The following AGO3 variants were observed in gnomAD, a reference collection of about 807,000 sequenced individuals.
AGO3 encodes protein argonaute-3.
Under a neutral mutation model 105.5 loss-of-function variants are expected in AGO3, and 16 were observed. The observed-to-expected ratio is 0.15, with a 90% CI of 0.10 to 0.23. AGO3 has a LOEUF of 0.23. AGO3 is among the 10% of genes least tolerant of loss of function. AGO3 has a pLI of 1.00. For missense variants in AGO3, 534 were observed against 1,088.0 expected (o/e 0.49, Z 7.16); for synonymous variants, 340 against 367.3 (o/e 0.93, Z 0.85).
At chr1:35,994,482 G>A (rs558452316) in intron 5 of AGO3, among the ~76,000 whole-genome samples, 137 of 152,260 alleles carry the variant, frequency 9.0e-4, no homozygotes, top group Non-Finnish European at 1.6e-3. Flanking sequence ...TCAAGAACAA[G>A]GCAAGGATGC....
chr1:35,987,477 A>G (rs1647235930), intron 5 of AGO3, among the ~76,000 whole-genome samples: 1 of 152,006 alleles, frequency 6.6e-6, no homozygotes. Flanking sequence ...TGGGCAACAG[A>G]GTAAGACTCT....
chr1:36,027,413 T>A lies in AGO3; in HGVS notation c.1591+115T>A. ...AAAATATATTTTATGATACAGTATT[T>A]AAAACCATGTATTATTACTTGAAGA... On this transcript the variant is annotated intron_variant, in intron 12 of 18. Coordinates refer to ENST00000373191, the MANE Select transcript of AGO3 (RefSeq NM_024852.4). This position sits in a 1 kb window ranked among gnomAD's most constrained non-coding sequence, Gnocchi z 4.0. 1 of 996,604 alleles carries A rather than the reference T, an allele frequency of 1.0e-6. No homozygotes were observed. Among genetic ancestry groups the A allele is most frequent in the Non-Finnish European group, 1.4e-6 (1 of 718,322 alleles). The allele number at this position is 996,604 out of a possible 1,614,324, so 61.7% of individuals were successfully genotyped here.
chr1:35,934,852 A>G (rs887042688), intron 1 of AGO3, among the ~76,000 whole-genome samples: 2 of 152,222 alleles, frequency 1.3e-5, no homozygotes, highest in East Asian at 1.9e-4. Flanking sequence ...GGGTTTCACC[A>G]TGTTGGCCAG....
At chr1:35,966,905 A>G (rs72661637) in intron 2 of AGO3, 50 bp from the exon 3 acceptor site, 78,688 of 1,537,312 alleles carry the variant, frequency 0.051, 2,255 homozygotes, top group Middle Eastern at 0.068. Context: ...TAATATTTTT[A>G]TATTTCATCT....
At chr1:35,930,939 C>T (rs1646028759), upstream of AGO3, 1 of 295,924 alleles carries the variant, frequency 3.4e-6, no homozygotes, top group Non-Finnish European at 6.2e-6. Context: ...CGGCCGAGCC[C>T]GCCGCATGTG....
chr1:36,051,754 A>C (rs1642724507), intron 17 of AGO3, among the ~76,000 whole-genome samples: 1 of 152,086 alleles, frequency 6.6e-6, no homozygotes, highest in Admixed American at 6.6e-5. Flanking sequence ...CAACAGCAAA[A>C]ATAATAATAA....
intron 5 of AGO3, among the ~76,000 whole-genome samples, chr1:35,990,966 T>TA (rs1647581898): frequency 6.6e-6 from 1 of 152,158 alleles, no homozygotes; most frequent in Admixed American, 6.6e-5. Context: ...CAACTAAAGA[T>TA]ATCTGGATCA....
At chr1:35,967,629 C>T (rs558656317) in intron 3 of AGO3, among the ~76,000 whole-genome samples, 2 of 152,146 alleles carry the variant, frequency 1.3e-5, no homozygotes, top group East Asian at 3.9e-4. Context: ...GTTGGCCAGA[C>T]TGGTCTCAAA....
intron 1 of AGO3, among the ~76,000 whole-genome samples, chr1:35,945,181 T>A (rs1362090490): frequency 6.6e-6 from 1 of 151,670 alleles, no homozygotes; most frequent in South Asian, 2.1e-4. Flanking sequence ...TTATTACATA[T>A]TGCTTCTTAT....
chr1:36,054,117 C>T (rs1020393778), intron 17 of AGO3, among the ~76,000 whole-genome samples: 1 of 152,022 alleles, frequency 6.6e-6, no homozygotes, highest in Admixed American at 6.6e-5. Context: ...AGACTATAAG[C>T]ATGAGCCACC....
chr1:35,978,204 A>AT (rs560288609), intron 5 of AGO3, among the ~76,000 whole-genome samples: 68 of 151,746 alleles, frequency 4.5e-4, no homozygotes, highest in African/African-American at 1.5e-3. Context: ...TCTTGACACA[A>AT]TTTTTTTTGA....
intron 6 of AGO3, chr1:36,005,576 A>G (rs923567141): frequency 5.9e-5 from 16 of 271,670 alleles, no homozygotes; most frequent in African/African-American, 3.4e-4. Context: ...AGGTTAGTGC[A>G]TTACCTACCA....
chr1:35,936,410 C>G lies in AGO3; in HGVS notation c.19+4965C>G, dbSNP rs138286506. On this transcript the variant is annotated intron_variant, in intron 1 of 18. Coordinates refer to ENST00000373191, the MANE Select transcript of AGO3 (RefSeq NM_024852.4). ...GTCAGTTTAAGGAAATGAAGAATTC[C>G]TTGTTTTTTGTTTGTTTGTTTGTTT... is the stretch of plus-strand genomic sequence containing the variant. Among the ~76,000 whole-genome samples the G allele has an allele frequency of 2.6e-3, 393 of 152,112 alleles. 1 individual carries two copies. The highest frequency in any genetic ancestry group is 8.5e-3 in the African/African-American group (353 of 41,498).
At chr1:36,018,279 T>G (rs1641013147) in intron 11 of AGO3, among the ~76,000 whole-genome samples, 1 of 151,464 alleles carries the variant, frequency 6.6e-6, no homozygotes, top group Non-Finnish European at 1.5e-5. Context: ...GCCGACAATT[T>G]TCTCTTTAAA....
At chr1:36,005,748 A>C in intron 6 of AGO3, 5 of 985,418 alleles carry the variant, frequency 5.1e-6, no homozygotes, top group Non-Finnish European at 6.0e-6. Flanking sequence ...ACAAGGATTC[A>C]ACTGCTGCCC....
At chr1:36,016,222 C>A (rs1456158857) in intron 11 of AGO3, among the ~76,000 whole-genome samples, 2 of 152,154 alleles carry the variant, frequency 1.3e-5, no homozygotes, top group African/African-American at 2.4e-5. Flanking sequence ...TGCTCTGTCA[C>A]CCAGGCTGGA....
At chr1:35,982,711 A>G in intron 5 of AGO3, 3 of 714,506 alleles carry the variant, frequency 4.2e-6, no homozygotes, top group Non-Finnish European at 7.8e-6. Flanking sequence ...TCACTAGTTC[A>G]GGTAAGAGAT....
intron 11 of AGO3, among the ~76,000 whole-genome samples, chr1:36,026,032 C>T (rs1641486736): frequency 6.6e-6 from 1 of 150,860 alleles, no homozygotes; most frequent in Non-Finnish European, 1.5e-5. Flanking sequence ...CAGAGTGAGA[C>T]TCCACCTCAA....
At chr1:35,979,332 C>G (rs887572254) in intron 5 of AGO3, among the ~76,000 whole-genome samples, 1 of 152,002 alleles carries the variant, frequency 6.6e-6, no homozygotes, top group Non-Finnish European at 1.5e-5. Flanking sequence ...CCGCTGCACC[C>G]CAGCCTTGGG....
Sources: gnomAD v4.1 joint callset for allele counts (sites outside exome capture counted in the v4.1 genomes callset) on GRCh38, gnomAD v4.1.1 for gene constraint, Gnocchi (gnomAD v3.1) non-coding constraint, MANE v1.5 for transcripts, NCBI Gene and HGNC (gene_info 2026-07-23, HGNC 2026-07-21) for gene names.